HNRNPU: variants seen among roughly 807,000 people sequenced by gnomAD.
The protein encoded by HNRNPU is heterogeneous nuclear ribonucleoprotein U, also known as HNRNPU antisense RNA 1.
A neutral mutation model predicts 94.7 loss-of-function variants in HNRNPU; 5 were observed. That is an observed-to-expected ratio of 0.05 (90% confidence interval 0.03 to 0.11). The LOEUF is 0.11. Ranked by LOEUF, HNRNPU falls within the 10% of genes least tolerant of loss-of-function variation. The pLI is 1.00. For synonymous variants in HNRNPU, 434 were observed against 381.6 expected (o/e 1.14, Z -1.60); for missense variants, 710 against 1,049.2 (o/e 0.68, Z 4.47).
chr1:244,854,381 C>CTAAA lies in HNRNPU; in HGVS notation c.*65_*68dup. On this transcript the variant is annotated 3_prime_UTR_variant, in exon 14 of 14. Transcript: ENST00000640218. ...GTGGAATGTTTAAAAAGTTAGCCTA[C>CTAAA]TAAAGAAAACAGTCGACTTCTTGTG... 3 of 1,070,548 alleles carry CTAAA rather than the reference C, an allele frequency of 2.8e-6. No individual in the cohort carries two copies. Among genetic ancestry groups the CTAAA allele is most frequent in the Non-Finnish European group, 4.3e-6 (3 of 691,764 alleles). The allele number at this position is 1,070,548 out of a possible 1,614,324, so 66.3% of individuals were successfully genotyped here.
chr1:244,858,457 C>T lies in HNRNPU; in HGVS notation c.1231-183G>A. 9 of 622,800 alleles carry T rather than the reference C, an allele frequency of 1.4e-5. No homozygotes were observed. The South Asian group carries it at 1.6e-4, about 11-fold the overall frequency. The allele number at this position is 622,800 out of a possible 1,614,324, so 38.6% of individuals were successfully genotyped here. A position where few individuals can be genotyped will look rare whatever the true frequency, so the allele number is the denominator to read the frequency against. On this transcript the variant is annotated intron_variant, in intron 6 of 13. Coordinates refer to ENST00000640218, the MANE Select transcript of HNRNPU (RefSeq NM_031844.3). ...GTTGTAAACCATGAAGCACGTATCT[C>T]CAGAACCAGAAACAATACTGACCTA... is the stretch of plus-strand genomic sequence containing the variant.
Position 244,864,426 on chromosome 1 carries a change from AGAT to A in HNRNPU, c.-122_-120del. 1 of 1,532,048 alleles carries A rather than the reference AGAT, an allele frequency of 6.5e-7. No homozygotes were observed. The highest frequency in any genetic ancestry group is 8.8e-7 in the Non-Finnish European group (1 of 1,136,164). 94.9% of individuals were successfully genotyped at this position (1,532,048 alleles called of 1,614,324 possible). A position where few individuals can be genotyped will look rare whatever the true frequency, so the allele number is the denominator to read the frequency against. On this transcript the variant is annotated 5_prime_UTR_variant, in exon 1 of 14. Transcript: ENST00000640218. ...GGGCGGCGGCTGCGGCTGCGGCTGG[AGAT>A]GGGTTCGTGCTGCAGAGCGGATCCG...
At chr1:244,857,743 T>C (rs1680717366) in intron 7 of HNRNPU, 26 bp from the exon 8 acceptor site, 1 of 1,608,822 alleles carries the variant, frequency 6.2e-7, no homozygotes, top group Non-Finnish European at 8.5e-7. Flanking sequence ...GAAATGTCAT[T>C]TCACTGTCAG....
intron 3 of HNRNPU, 102 bp downstream of exon 3, chr1:244,862,358 TA>T (rs1205977940): frequency 5.3e-6 from 4 of 749,274 alleles, no homozygotes; most frequent in Non-Finnish European, 8.6e-6. Flanking sequence ...TTAAAAAAAC[TA>T]ACCCAAGTTT....
chr1:244,863,514 C>T (rs1470048386), intron 1 of HNRNPU, 103 bp downstream of exon 1: 138 of 1,254,050 alleles, frequency 1.1e-4, no homozygotes, highest in Non-Finnish European at 1.3e-4. Context: ...CGGCGCCCTC[C>T]CGCCCGGGGC....
At chr1:244,857,990 A>T (rs1447423717) in intron 7 of HNRNPU, 21 bp downstream of exon 7, 3 of 197,520 alleles carry the variant, frequency 1.5e-5, no homozygotes, top group African/African-American at 3.4e-5. Context: ...TGCCACAGTT[A>T]AAAAAAAAAA....
chr1:244,855,471 C>A lies in HNRNPU; in HGVS notation c.2305G>T (p.Gly769Trp), dbSNP rs1430776498. 6.2e-7 allele frequency: 1 copy of A among 1,613,784 alleles called. No individual in the cohort carries two copies. Among genetic ancestry groups the A allele is most frequent in the Non-Finnish European group, 8.5e-7 (1 of 1,179,932 alleles). ...GGCATTCCACCTCTGTTGTAGTTCCCTCTGTTTGAGTAACTACCACGGCCA... is the reference window on the plus strand; with the variant it reads ...GGCATTCCACCTCTGTTGTAGTTCCATCTGTTTGAGTAACTACCACGGCCA... Reference protein sequence around the residue: ...FPGRGSYSNRGNYNRGGMPNR... With the variant: ...FPGRGSYSNRWNYNRGGMPNR... The change falls in exon 12 of 14, where the codon GGG becomes TGG. Residue 769 changes from glycine (G) to tryptophan (W), a missense_variant. By Grantham distance (184) the Gly-to-Trp change is radical (BLOSUM62 -2). Coordinates refer to ENST00000640218, the MANE Select transcript of HNRNPU (RefSeq NM_031844.3).
At chr1:244,857,831 G>A (rs1047500090) in intron 7 of HNRNPU, 114 bp from the exon 8 acceptor site, 37 of 1,407,296 alleles carry the variant, frequency 2.6e-5, no homozygotes, top group East Asian at 2.3e-4. Flanking sequence ...TTACACTAAC[G>A]GACAAAAATT....
chr1:244,862,744 G>A lies in HNRNPU; in HGVS notation c.692-14C>T, dbSNP rs201729220. The A allele has an allele frequency of 4.0e-5, 64 of 1,595,990 alleles. No homozygotes were observed. The East Asian group carries it at 1.1e-3, about 27-fold the overall frequency. ...TTTTGCCGTCCCCTAAAACACACAC[G>A]AGCCCCATAAAGGCCAAGCCTCTAA... On this transcript the variant is annotated splice_polypyrimidine_tract_variant and intron_variant, in intron 1 of 13. Coordinates refer to ENST00000640218, the MANE Select transcript of HNRNPU (RefSeq NM_031844.3).
Position 244,863,658 on chromosome 1 carries a change from T to TCCGCCTTCTTCTTACCTC in HNRNPU, c.632_649dup (p.Gly211_Ala216dup). ...GGGGCGACCGCCGCCTCCGCCGCCTTCCGCCTTCTTCTTACCTCCCGCCTG... is the reference window on the plus strand; with the variant it reads ...GGGGCGACCGCCGCCTCCGCCGCCTTCCGCCTTCTTCTTACCTCCCGCCTTCTTCTTACCTCCCGCCTG... On this transcript the variant is annotated inframe_insertion, in exon 1 of 14. Coordinates refer to ENST00000640218, the MANE Select transcript of HNRNPU (RefSeq NM_031844.3). The TCCGCCTTCTTCTTACCTC allele has an allele frequency of 6.4e-7, 1 of 1,556,782 alleles. No homozygotes were observed. The highest frequency in any genetic ancestry group is 1.4e-5 in the African/African-American group (1 of 70,334).
In HNRNPU at chr1:244,863,628, G is replaced by A. The variant is rs755670533; in HGVS notation, c.680C>T (p.Ala227Val). ...AACGCAGCACTCACCCGCCGCCGGA[G>A]CCCCGGGGCGACCGCCGCCTCCGCC... ...EGGGGGGRPGAPAAGDGKTEQ... is the reference protein window; with the variant it reads ...EGGGGGGRPGVPAAGDGKTEQ... Residue 227 changes from alanine (A) to valine (V), a missense_variant, in exon 1 of 14, where the codon GCT (alanine) becomes GTT (valine). Physicochemically the swap from Ala to Val is moderately conservative, Grantham distance 64. Coordinates refer to ENST00000640218, the MANE Select transcript of HNRNPU (RefSeq NM_031844.3). The A allele has an allele frequency of 4.4e-5, 68 of 1,536,810 alleles. No homozygotes were observed. The highest frequency in any genetic ancestry group is 5.8e-5 in the African/African-American group (4 of 69,486).
chr1:244,856,491 T>C lies in HNRNPU; in HGVS notation c.1878A>G (p.Lys626=), dbSNP rs770980868. 7 of 1,613,868 alleles carry C rather than the reference T, an allele frequency of 4.3e-6. No individual in the cohort carries two copies. In the African/African-American group the frequency reaches 5.3e-5, roughly 12 times the overall value. ...TGAGGACCGCATGTTCTGGTAGGTCTTTCCCCTCTACTTCTGCTTTCTTCT... is the reference window on the plus strand; with the variant it reads ...TGAGGACCGCATGTTCTGGTAGGTCCTTCCCCTCTACTTCTGCTTTCTTCT... ...RTQKKAEVEG[K]DLPEHAVLKM... is the part of the protein sequence containing the mutation. Residue 626 remains lysine, a synonymous_variant, in exon 10 of 14, where the codon AAA becomes AAG. Transcript: ENST00000640218.
At chr1:244,861,419 C>T (rs1206582591) in intron 3 of HNRNPU, 1 of 152,262 alleles carries the variant, frequency 6.6e-6, no homozygotes, top group African/African-American at 2.4e-5. Context: ...ATTTATACAA[C>T]CCAGAATTTC....
In HNRNPU at chr1:244,851,357, C is replaced by A. The variant is rs981639424; in HGVS notation, c.*3093G>T. 2.6e-5 allele frequency: 4 copies of A among 152,108 alleles called. No homozygotes were observed. The highest frequency in any genetic ancestry group is 9.7e-5 in the African/African-American group (4 of 41,412). The allele number at this position is 152,108 out of a possible 1,614,324, so 9.4% of individuals were successfully genotyped here. A position where few individuals can be genotyped will look rare whatever the true frequency, so the allele number is the denominator to read the frequency against. On this transcript the variant is annotated 3_prime_UTR_variant, in exon 14 of 14. Transcript: ENST00000640218. ...AAATATTTGTATTTGTGCAATGGAA[C>A]CCATTATTCACATGGTCCTAGAATA...
rs1035974937 is a variant in HNRNPU, at chr1:244,852,343, A to G, written c.*2107T>C. On this transcript the variant is annotated 3_prime_UTR_variant, in exon 14 of 14. Coordinates refer to ENST00000640218, the MANE Select transcript of HNRNPU (RefSeq NM_031844.3). The stretch of plus-strand genomic sequence containing the variant: ...AAATTCTCTGGGCTAAACAGGCATG[A>G]TAGTCTACCTAGTGTTACTTGACCA... The G allele has an allele frequency of 2.0e-5, 3 of 152,206 alleles. No individual in the cohort carries two copies. The highest frequency in any genetic ancestry group is 4.4e-5 in the Non-Finnish European group (3 of 68,028). The allele number at this position is 152,206 out of a possible 1,614,324, so 9.4% of individuals were successfully genotyped here. A position where few individuals can be genotyped will look rare whatever the true frequency, so the allele number is the denominator to read the frequency against.
intron 13 of HNRNPU, 26 bp downstream of exon 13, chr1:244,854,947 C>T (rs1680640246): frequency 2.0e-6 from 3 of 1,532,498 alleles, no homozygotes; most frequent in South Asian, 2.2e-5. Flanking sequence ...AATTAATGTA[C>T]ATAAAGCACA....
At position 244,854,442 on chromosome 1, in the gene HNRNPU, T is replaced by G; in HGVS notation, c.*8A>C. ...AGAAATATGTATCAGTTCGTTTTAT[T>G]TGGGTATTCAATAATATCCTTGGTG... On this transcript the variant is annotated 3_prime_UTR_variant, in exon 14 of 14. Transcript: ENST00000640218. 1 of 1,562,902 alleles carries G rather than the reference T, an allele frequency of 6.4e-7. No individual in the cohort carries two copies. Among genetic ancestry groups the G allele is most frequent in the Admixed American group, 1.7e-5 (1 of 59,696 alleles).
In HNRNPU at chr1:244,863,622, G is replaced by A. The variant is rs1680916327; in HGVS notation, c.686C>T (p.Ala229Val). ...ACGTACAACGCAGCACTCACCCGCC[G>A]CCGGAGCCCCGGGGCGACCGCCGCC... ...GGGGGRPGAP[A>V]AGDGKTEQKG... Residue 229 changes from alanine to valine, a missense_variant, in exon 1 of 14, where the codon GCG (alanine) becomes GTG (valine). This residue lies in a region of HNRNPU where 292 missense variants were observed against 293.4 expected (regional missense o/e 1.00). Transcript: ENST00000640218. 6.6e-7 allele frequency: 1 copy of A among 1,522,076 alleles called. No homozygotes were observed. The highest frequency in any genetic ancestry group is 2.5e-5 in the East Asian group (1 of 39,416). The allele number at this position is 1,522,076 out of a possible 1,614,324, so 94.3% of individuals were successfully genotyped here.
At chr1:244,863,393 C>A (rs1680900621) in intron 1 of HNRNPU, among the ~76,000 whole-genome samples, 1 of 138,598 alleles carries the variant, frequency 7.2e-6, no homozygotes, top group Non-Finnish European at 1.5e-5. Context: ...GCTGCCACCG[C>A]CGACACACAC....
Sources: allele counts gnomAD v4.1 joint callset (sites outside exome capture counted in the v4.1 genomes callset), GRCh38; gene constraint gnomAD v4.1.1; regional missense constraint gnomAD v4.1.1; transcripts MANE v1.5; gene names NCBI Gene and HGNC (gene_info 2026-07-23, HGNC 2026-07-21).